The following PAPPA variants were observed in gnomAD, a reference collection of about 807,000 sequenced individuals.
PAPPA encodes the protein pappalysin 1, also known as pappalysin-1.
In PAPPA, 60 loss-of-function variants were observed where a neutral mutation model predicts 164.0. That is an observed-to-expected ratio of 0.37 (90% CI 0.30 to 0.45). The LOEUF is 0.45. PAPPA is among the 20% of genes least tolerant of loss of function. The probability of loss-of-function intolerance (pLI) is 1.00; values close to 1 mark genes in which losing one functional copy is unlikely to be tolerated. For synonymous variants in PAPPA, 875 were observed against 814.1 expected, an observed-to-expected ratio of 1.07 and a Z score of -1.27; for missense variants, 1,782 against 2,087.3, an observed-to-expected ratio of 0.85 and a Z score of 2.85.
chr9:116,181,997 G>A (rs945686383), intron 1 of PAPPA, among the ~76,000 whole-genome samples: 4 of 152,212 alleles, frequency 2.6e-5, no homozygotes, highest in African/African-American at 9.6e-5. Flanking sequence ...AGGAGGCCAC[G>A]CCTTTAAACA....
In PAPPA at chr9:116,235,366, G is replaced by C; in HGVS notation, c.2461G>C (p.Val821Leu). Residue 821 changes from valine (V) to leucine (L), a missense_variant, in exon 7 of 22, where the codon GTC becomes CTC. Coordinates refer to ENST00000328252, the MANE Select transcript of PAPPA (RefSeq NM_002581.5). ...GAVNDIKLLA[V>L]SGKNISLGPQ... Reference sequence around the variant, plus strand: ...TGTCAATGACATCAAACTGTTGGCTGTCAGTGGGAAGAACATCTCCCTGGG... The same window carrying C: ...TGTCAATGACATCAAACTGTTGGCTCTCAGTGGGAAGAACATCTCCCTGGG... The C allele has an allele frequency of 1.2e-6, 2 of 1,614,050 alleles. No homozygotes were observed. The highest frequency in any genetic ancestry group is 1.7e-6 in the Non-Finnish European group (2 of 1,179,996).
chr9:116,257,512 A>G (rs1844942666), intron 7 of PAPPA, among the ~76,000 whole-genome samples: 2 of 151,936 alleles, frequency 1.3e-5, no homozygotes, highest in African/African-American at 4.8e-5. Context: ...CATCCTGGCT[A>G]GAGACGGTGA....
intron 9 of PAPPA, among the ~76,000 whole-genome samples, chr9:116,281,640 A>T (rs1587985184): frequency 6.6e-6 from 1 of 152,312 alleles, no homozygotes; most frequent in East Asian, 1.9e-4. Flanking sequence ...GCAGTAGCTC[A>T]TTTCAAACCC....
intron 5 of PAPPA, among the ~76,000 whole-genome samples, chr9:116,222,029 G>A (rs922454139): frequency 2.0e-5 from 3 of 152,166 alleles, no homozygotes; most frequent in African/African-American, 7.2e-5. Flanking sequence ...TGGGAATGTA[G>A]GTTAATATAG....
intron 1 of PAPPA, among the ~76,000 whole-genome samples, chr9:116,171,189 G>A (rs1843771979): frequency 6.6e-6 from 1 of 152,128 alleles, no homozygotes; most frequent in Admixed American, 6.6e-5. Flanking sequence ...ACCAGAGAAG[G>A]GAGCTGCTAG....
chr9:116,326,018 T>G (rs1037300246), intron 10 of PAPPA, among the ~76,000 whole-genome samples: 2 of 152,250 alleles, frequency 1.3e-5, no homozygotes, highest in Middle Eastern at 3.4e-3. Flanking sequence ...GCATTGCTAC[T>G]TAGAAGAAAC....
chr9:116,396,360 G>A, intron 21 of PAPPA, 149 bp from the exon 22 acceptor site: 1 of 678,546 alleles, frequency 1.5e-6, no homozygotes, highest in South Asian at 1.7e-5. Flanking sequence ...CTCGATAAAA[G>A]TTATCACCAG....
chr9:116,245,202 G>A (rs368587068), intron 7 of PAPPA, among the ~76,000 whole-genome samples: 2 of 151,946 alleles, frequency 1.3e-5, no homozygotes, highest in Non-Finnish European at 2.9e-5. Flanking sequence ...ATTACTTAAG[G>A]GGCACAATGT....
At chr9:116,275,594 TTC>T (rs1398328339) in intron 9 of PAPPA, among the ~76,000 whole-genome samples, 1 of 152,074 alleles carries the variant, frequency 6.6e-6, no homozygotes, top group Non-Finnish European at 1.5e-5. Flanking sequence ...CCTTCCACTG[TTC>T]TTTCTTTGTT....
rs1587930753 is a variant in PAPPA at position 116,154,054 on chromosome 9, A to G, written c.-119A>G. The G allele has an allele frequency of 1.8e-6, 2 of 1,130,200 alleles. No homozygotes were observed. The highest frequency in any genetic ancestry group is 2.1e-5 in the South Asian group (1 of 48,216). 70.0% of individuals were successfully genotyped at this position (1,130,200 alleles called of 1,614,324 possible). ...AAAGAAAAGAAAAAAGCAAGTGGAA[A>G]GGGGGGCTCGCCCAAGAAGGGTGAA... On this transcript the variant is annotated 5_prime_UTR_variant, in exon 1 of 22. Coordinates refer to ENST00000328252, the MANE Select transcript of PAPPA (RefSeq NM_002581.5). This position sits in a 1 kb window ranked among gnomAD's most constrained non-coding sequence, Gnocchi z 5.2.
At chr9:116,362,974 T>C (rs1846449287) in intron 18 of PAPPA, among the ~76,000 whole-genome samples, 1 of 152,082 alleles carries the variant, frequency 6.6e-6, no homozygotes, top group African/African-American at 2.4e-5. Flanking sequence ...AGAAAAGCTG[T>C]CAGGTGCCTG....
At chr9:116,340,214 CTTTTA>C (rs1846118236) in intron 13 of PAPPA, among the ~76,000 whole-genome samples, 1 of 152,108 alleles carries the variant, frequency 6.6e-6, no homozygotes, top group South Asian at 2.1e-4. Context: ...GCAGCAGAGC[CTTTTA>C]TTTTGTTTTC....
intron 1 of PAPPA, among the ~76,000 whole-genome samples, chr9:116,164,398 G>T (rs1843699061): frequency 6.6e-6 from 1 of 152,152 alleles, no homozygotes; most frequent in African/African-American, 2.4e-5. Flanking sequence ...CAAACCCAGG[G>T]TCCACAGAAC....
Position 116,398,538 on chromosome 9 carries a change from C to A in PAPPA, c.*1922C>A. The A allele has an allele frequency of 7.8e-7, 1 of 1,275,674 alleles. No individual in the cohort carries two copies. The highest frequency in any genetic ancestry group is 1.0e-6 in the Non-Finnish European group (1 of 979,386). The allele number at this position is 1,275,674 out of a possible 1,614,324, so 79.0% of individuals were successfully genotyped here. A position where few individuals can be genotyped will look rare whatever the true frequency, so the allele number is the denominator to read the frequency against. On this transcript the variant is annotated 3_prime_UTR_variant, in exon 22 of 22. Coordinates refer to ENST00000328252, the MANE Select transcript of PAPPA (RefSeq NM_002581.5). Reference sequence around the variant, plus strand: ...TTAGGAACCACCATATTATATCACTCCCAATAGCACTGACCTGGTGATCAA... The same window carrying A: ...TTAGGAACCACCATATTATATCACTACCAATAGCACTGACCTGGTGATCAA...
At chr9:116,362,876 T>A in intron 18 of PAPPA, 137 bp downstream of exon 18, 2 of 777,110 alleles carry the variant, frequency 2.6e-6, no homozygotes, top group South Asian at 3.8e-5. Flanking sequence ...GATGAATTAG[T>A]GTAGACCATG....
chr9:116,174,332 G>T (rs1843808036), intron 1 of PAPPA, among the ~76,000 whole-genome samples: 1 of 152,176 alleles, frequency 6.6e-6, no homozygotes, highest in Non-Finnish European at 1.5e-5. Flanking sequence ...ACCCTAGGCT[G>T]TGTGGGCCAA....
At chr9:116,261,483 A>G (rs949987072) in intron 7 of PAPPA, among the ~76,000 whole-genome samples, 4 of 152,184 alleles carry the variant, frequency 2.6e-5, no homozygotes, top group Non-Finnish European at 4.4e-5. Context: ...AGAATCAAAC[A>G]TCCTAATTAA....
At chr9:116,390,722 C>G (rs888042314) in intron 21 of PAPPA, among the ~76,000 whole-genome samples, 1 of 152,052 alleles carries the variant, frequency 6.6e-6, no homozygotes, top group Non-Finnish European at 1.5e-5. Flanking sequence ...GAATGTAGCC[C>G]TGACTTTTTC....
At chr9:116,205,417 G>A (rs1324991850) in intron 2 of PAPPA, among the ~76,000 whole-genome samples, 1 of 152,056 alleles carries the variant, frequency 6.6e-6, no homozygotes, top group Non-Finnish European at 1.5e-5. Flanking sequence ...TGTGTTCTCT[G>A]CCTGAGAGAA....
Sources: gnomAD v4.1 joint callset for allele counts (sites outside exome capture counted in the v4.1 genomes callset) on GRCh38, gnomAD v4.1.1 for gene constraint, Gnocchi (gnomAD v3.1) non-coding constraint, MANE v1.5 for transcripts, NCBI Gene and HGNC (gene_info 2026-07-23, HGNC 2026-07-21) for gene names.